The following COX7B2 variants were observed in gnomAD, a reference collection of about 807,000 sequenced individuals.
COX7B2 encodes the protein cytochrome c oxidase subunit 7B2.
For synonymous variants in COX7B2, 37 were observed against 32.1 expected, an observed-to-expected ratio of 1.15 and a Z score of -0.51; for missense variants, 109 against 95.9, an observed-to-expected ratio of 1.14 and a Z score of -0.57.
chr4:46,895,393 A>T (rs1431409173), intron 1 of COX7B2, among the ~76,000 whole-genome samples: 1 of 152,184 alleles, frequency 6.6e-6, no homozygotes, highest in African/African-American at 2.4e-5. Flanking sequence ...CAGGAACAGA[A>T]AACCAAATAC....
intron 2 of COX7B2, among the ~76,000 whole-genome samples, chr4:46,755,571 T>A (rs1290292410): frequency 2.6e-5 from 4 of 152,056 alleles, no homozygotes; most frequent in Non-Finnish European, 5.9e-5. Context: ...AAAATCCTAA[T>A]GACTCCACCA....
intron 1 of COX7B2, among the ~76,000 whole-genome samples, chr4:46,869,844 A>G (rs1259000378): frequency 2.0e-5 from 3 of 152,036 alleles, no homozygotes; most frequent in Non-Finnish European, 4.4e-5. Flanking sequence ...TCTGATGATT[A>G]TGTGTCTTGG....
At chr4:46,796,278 C>T (rs1237400272) in intron 2 of COX7B2, among the ~76,000 whole-genome samples, 132 of 145,460 alleles carry the variant, frequency 9.1e-4, no homozygotes, top group Admixed American at 2.0e-3. Context: ...TGTCTTGTGC[C>T]GGTTTTCAAA....
At chr4:46,801,273 CAT>C (rs1421017201) in intron 2 of COX7B2, among the ~76,000 whole-genome samples, 1 of 152,102 alleles carries the variant, frequency 6.6e-6, no homozygotes, top group Admixed American at 6.5e-5. Context: ...GCCATAAAGA[CAT>C]ATGCACACAT....
chr4:46,865,503 G>A (rs1378524543), intron 1 of COX7B2, among the ~76,000 whole-genome samples: 1 of 152,184 alleles, frequency 6.6e-6, no homozygotes, highest in African/African-American at 2.4e-5. Context: ...ATTTGGTACA[G>A]AGATGTGGTG....
At chr4:46,889,375 CAT>C (rs1184320638) in intron 1 of COX7B2, among the ~76,000 whole-genome samples, 1 of 152,230 alleles carries the variant, frequency 6.6e-6, no homozygotes, top group Non-Finnish European at 1.5e-5. Context: ...AACTCTTCTC[CAT>C]GTCAACCAGA....
At chr4:46,892,738 T>C (rs981460543) in intron 1 of COX7B2, among the ~76,000 whole-genome samples, 1 of 152,210 alleles carries the variant, frequency 6.6e-6, no homozygotes, top group African/African-American at 2.4e-5. Context: ...CTAGCTGTTT[T>C]GACTTTCGTT....
intron 2 of COX7B2, among the ~76,000 whole-genome samples, chr4:46,816,461 C>T (rs1719555449): frequency 6.6e-6 from 1 of 152,084 alleles, no homozygotes; most frequent in South Asian, 2.1e-4. Context: ...TCTCATGGTA[C>T]TTTACTCATA....
chr4:46,899,308 A>G (rs1255839300), intron 1 of COX7B2, among the ~76,000 whole-genome samples: 1 of 152,238 alleles, frequency 6.6e-6, no homozygotes. Flanking sequence ...TCACAGTATT[A>G]GAAAATAAAA....
At chr4:46,763,972 T>C (rs577789999) in intron 2 of COX7B2, among the ~76,000 whole-genome samples, 4 of 152,254 alleles carry the variant, frequency 2.6e-5, no homozygotes, top group African/African-American at 9.6e-5. Flanking sequence ...TCTTGCAGAA[T>C]GTTAGGGCAG....
intron 1 of COX7B2, among the ~76,000 whole-genome samples, chr4:46,867,231 C>T (rs1259950443): frequency 2.0e-5 from 3 of 152,196 alleles, no homozygotes; most frequent in African/African-American, 7.2e-5. Context: ...TGCCTACACT[C>T]ATAAGATCAG....
At chr4:46,758,419 G>A (rs974029823) in intron 2 of COX7B2, among the ~76,000 whole-genome samples, 2 of 152,034 alleles carry the variant, frequency 1.3e-5, no homozygotes, top group African/African-American at 4.8e-5. Flanking sequence ...TCATGTTTCT[G>A]CATGCTGGCA....
At chr4:46,805,341 G>A (rs1047957928) in intron 2 of COX7B2, among the ~76,000 whole-genome samples, 8 of 152,248 alleles carry the variant, frequency 5.3e-5, no homozygotes, top group South Asian at 2.1e-4. Context: ...CTGCCAGCAC[G>A]CTGTCACCTC....
intron 2 of COX7B2, among the ~76,000 whole-genome samples, chr4:46,741,464 T>C (rs1351967888): frequency 1.3e-5 from 2 of 152,008 alleles, no homozygotes; most frequent in Non-Finnish European, 2.9e-5. Context: ...GCAAAATCAT[T>C]CCCAGTTCAG....
At chr4:46,785,895 A>G (rs1009720955) in intron 2 of COX7B2, among the ~76,000 whole-genome samples, 7 of 152,128 alleles carry the variant, frequency 4.6e-5, no homozygotes, top group African/African-American at 1.7e-4. Flanking sequence ...GGAAATAAAC[A>G]GAAAAAAAAT....
intron 1 of COX7B2, among the ~76,000 whole-genome samples, chr4:46,895,478 G>A (rs1719703969): frequency 6.6e-6 from 1 of 151,960 alleles, no homozygotes; most frequent in Non-Finnish European, 1.5e-5. Flanking sequence ...ACAGACACTG[G>A]GACCTACTTG....
At chr4:46,834,680 T>C (rs1715391546) in intron 2 of COX7B2, among the ~76,000 whole-genome samples, 1 of 152,138 alleles carries the variant, frequency 6.6e-6, no homozygotes, top group Non-Finnish European at 1.5e-5. Context: ...ATCAGTCCAA[T>C]ATAATACATT....
chr4:46,772,431 T>C (rs1428693277), intron 2 of COX7B2, among the ~76,000 whole-genome samples: 2 of 152,162 alleles, frequency 1.3e-5, no homozygotes, highest in African/African-American at 4.8e-5. Flanking sequence ...AGAGTAGATC[T>C]TAAATGTTCT....
At chr4:46,819,253 C>T (rs1714095186) in intron 2 of COX7B2, among the ~76,000 whole-genome samples, 1 of 152,096 alleles carries the variant, frequency 6.6e-6, no homozygotes, top group Non-Finnish European at 1.5e-5. Context: ...ATCAAAAACC[C>T]TTTAGCGGAA....
Sources: gnomAD v4.1 joint callset for allele counts (sites outside exome capture counted in the v4.1 genomes callset) on GRCh38, gnomAD v4.1.1 for gene constraint, MANE v1.5 for transcripts, NCBI Gene and HGNC (gene_info 2026-07-23, HGNC 2026-07-21) for gene names.